Variants in NEK10 observed in about 807,000 individuals in gnomAD.
NEK10 encodes serine/threonine-protein kinase Nek10.
A neutral mutation model predicts 159.8 loss-of-function variants in NEK10; 122 were observed. The ratio of observed to expected loss-of-function variants is 0.76; its 90% CI spans 0.66 to 0.89. The LOEUF (loss-of-function observed/expected upper bound fraction) is 0.89. Ranked by LOEUF, NEK10 falls within the 40% of genes least tolerant of loss-of-function variation. The pLI is 0.00. For missense variants in NEK10, 1,342 were observed against 1,323.1 expected (o/e 1.01, Z -0.22); for synonymous variants, 466 against 457.1 (o/e 1.02, Z -0.25).
At chr3:27,139,398 AG>A (rs1943553452) in intron 31 of NEK10, among the ~76,000 whole-genome samples, 1 of 152,180 alleles carries the variant, frequency 6.6e-6, no homozygotes, top group African/African-American at 2.4e-5. Flanking sequence ...CAACACAATG[AG>A]GGTCAAATCC....
chr3:27,326,044 A>G (rs1290552592), intron 5 of NEK10, among the ~76,000 whole-genome samples: 1 of 152,200 alleles, frequency 6.6e-6, no homozygotes, highest in African/African-American at 2.4e-5. Context: ...CACATCCAGG[A>G]TGTACTATGG....
chr3:27,263,452 C>T (rs951724615), intron 22 of NEK10, among the ~76,000 whole-genome samples: 3 of 152,162 alleles, frequency 2.0e-5, no homozygotes, highest in Admixed American at 6.5e-5. Context: ...CCTTGAGCTG[C>T]GGTGGGCTCC....
At chr3:27,339,043 C>T (rs1358055429) in intron 5 of NEK10, among the ~76,000 whole-genome samples, 4 of 152,146 alleles carry the variant, frequency 2.6e-5, no homozygotes, top group African/African-American at 9.6e-5. Flanking sequence ...AACTATTCAT[C>T]AACAAGCGAC....
At chr3:27,171,381 AG>A (rs1219057980) in intron 29 of NEK10, among the ~76,000 whole-genome samples, 1 of 152,140 alleles carries the variant, frequency 6.6e-6, no homozygotes, top group African/African-American at 2.4e-5. Context: ...TAAAAGGAAG[AG>A]GGGTGTCTCT....
rs989989459 is a variant in NEK10 at position 27,110,131 on chromosome 3, G to A, written c.*1141C>T. 2 of 152,200 alleles carry A rather than the reference G, an allele frequency of 1.3e-5. No individual in the cohort carries two copies. Among genetic ancestry groups the A allele is most frequent in the African/African-American group, 4.8e-5 (2 of 41,458 alleles). The allele number at this position is 152,200 out of a possible 1,614,324, so 9.4% of individuals were successfully genotyped here. A position where few individuals can be genotyped will look rare whatever the true frequency, so the allele number is the denominator to read the frequency against. ...TTTCAACTTTCAGATTACTAATTAT[G>A]TAGAATAAATTGCTCTTTAGGTAGC... On this transcript the variant is annotated 3_prime_UTR_variant, in exon 36 of 36. Coordinates refer to ENST00000691995, the MANE Select transcript of NEK10 (RefSeq NM_001394966.1).
At chr3:27,287,017 T>A (rs1162213949) in intron 20 of NEK10, among the ~76,000 whole-genome samples, 1 of 152,020 alleles carries the variant, frequency 6.6e-6, no homozygotes, top group Non-Finnish European at 1.5e-5. Context: ...GAAGCCCCAG[T>A]CATTGCCTTA....
rs34545563 is a variant in NEK10 at position 27,119,846 on chromosome 3, G to T, written c.3104C>A (p.Pro1035Gln). ...TGCTGTGAAAAAGTTGGGCTCAATCGGTTCTGGAGATCCCTGAGATAACTG... is the reference window on the plus strand; with the variant it reads ...TGCTGTGAAAAAGTTGGGCTCAATCTGTTCTGGAGATCCCTGAGATAACTG... ...IKKLSQGSPE[P>Q]IEPNFFTADY... Residue 1035 changes from proline to glutamine, a missense_variant, in exon 33 of 36, where the codon CCG becomes CAG. Coordinates refer to ENST00000691995, the MANE Select transcript of NEK10 (RefSeq NM_001394966.1). 2 of 1,613,746 alleles carry T rather than the reference G, an allele frequency of 1.2e-6. No individual in the cohort carries two copies. Among genetic ancestry groups the T allele is most frequent in the Admixed American group, 3.3e-5 (2 of 60,002 alleles).
At chr3:27,315,888 A>G (rs1205611102) in intron 6 of NEK10, among the ~76,000 whole-genome samples, 1 of 152,174 alleles carries the variant, frequency 6.6e-6, no homozygotes, top group Non-Finnish European at 1.5e-5. Context: ...TGGGGACTGG[A>G]AGGATGGATG....
At chr3:27,295,815 G>C (rs574881997) in intron 14 of NEK10, 125 bp from the exon 15 acceptor site, 2 of 1,248,432 alleles carry the variant, frequency 1.6e-6, no homozygotes, top group Admixed American at 6.8e-5. Flanking sequence ...TATGGACCTT[G>C]AAGTAAACAT....
chr3:27,146,773 C>G (rs73141428), intron 30 of NEK10, among the ~76,000 whole-genome samples: 1 of 152,136 alleles, frequency 6.6e-6, no homozygotes, highest in African/African-American at 2.4e-5. Context: ...ATTAGAAGGT[C>G]TTCGATAGCA....
chr3:27,362,181 G>A (rs757693300), intron 1 of NEK10, among the ~76,000 whole-genome samples: 7 of 152,118 alleles, frequency 4.6e-5, no homozygotes, highest in South Asian at 2.1e-4. Flanking sequence ...GGTGAACAAC[G>A]GGCCTGGCCA....
At chr3:27,143,489 A>G (rs1435836991) in intron 30 of NEK10, 1 of 759,260 alleles carries the variant, frequency 1.3e-6, no homozygotes, top group East Asian at 2.4e-5. Flanking sequence ...ATACAAAAAC[A>G]AAGAGTTAGC....
At chr3:27,269,261 G>T (rs1158340975) in intron 22 of NEK10, among the ~76,000 whole-genome samples, 2 of 152,184 alleles carry the variant, frequency 1.3e-5, no homozygotes, top group African/African-American at 4.8e-5. Flanking sequence ...GGTTTGAGAG[G>T]ATTGACTCCA....
intron 23 of NEK10, among the ~76,000 whole-genome samples, chr3:27,227,409 C>T (rs1952747829): frequency 6.6e-6 from 1 of 152,206 alleles, no homozygotes; most frequent in Admixed American, 6.5e-5. Context: ...AAGTAGGGAG[C>T]AGGCTCATTA....
intron 25 of NEK10, among the ~76,000 whole-genome samples, chr3:27,197,983 C>T (rs1326723603): frequency 6.6e-6 from 1 of 152,046 alleles, no homozygotes; most frequent in Non-Finnish European, 1.5e-5. Flanking sequence ...AGTATAACAT[C>T]GGCTGTGGGT....
chr3:27,115,374 A>T (rs1413828439), intron 35 of NEK10, among the ~76,000 whole-genome samples: 2 of 152,224 alleles, frequency 1.3e-5, no homozygotes, highest in Admixed American at 1.3e-4. Flanking sequence ...ATAAAATAGC[A>T]TATACTCTTA....
intron 23 of NEK10, chr3:27,215,810 G>A (rs529825651): frequency 1.4e-6 from 1 of 717,400 alleles, no homozygotes; most frequent in African/African-American, 1.7e-5. Flanking sequence ...ATAGCAGAAG[G>A]CAAAGGAGGA....
chr3:27,200,183 T>C (rs1262804915), intron 25 of NEK10, among the ~76,000 whole-genome samples: 1 of 152,040 alleles, frequency 6.6e-6, no homozygotes, highest in African/African-American at 2.4e-5. Flanking sequence ...GGTTTAGATA[T>C]CATCCTACAA....
At chr3:27,157,598 A>T (rs1465118972) in intron 30 of NEK10, among the ~76,000 whole-genome samples, 5 of 152,206 alleles carry the variant, frequency 3.3e-5, no homozygotes, top group African/African-American at 1.2e-4. Flanking sequence ...CCTGGTAAAG[A>T]TGCTATGAAC....
Sources: allele counts gnomAD v4.1 joint callset (sites outside exome capture counted in the v4.1 genomes callset), GRCh38; gene constraint gnomAD v4.1.1; transcripts MANE v1.5; gene names NCBI Gene and HGNC (gene_info 2026-07-23, HGNC 2026-07-21).